C3orf33: variants seen among roughly 807,000 people sequenced by gnomAD.
C3orf33 encodes mitochondrial inner membrane subdomain organizer 1, also known as AP-1 activity suppressor.
Under a neutral mutation model 28.7 loss-of-function variants are expected in C3orf33, and 23 were observed. The observed-to-expected ratio is 0.80, with a 90% CI of 0.58 to 1.13. The LOEUF (loss-of-function observed/expected upper bound fraction) is 1.13. Among genes scored for constraint, C3orf33 ranks in the 50% most tolerant of loss-of-function variants. The pLI is 0.00. For synonymous variants in C3orf33, 119 were observed against 120.5 expected (o/e 0.99, Z 0.08); for missense variants, 327 against 353.4 (o/e 0.93, Z 0.60).
In C3orf33 at chr3:155,788,262, A is replaced by G. The variant is rs185337162; in HGVS notation, c.175-12414T>C. On this transcript the variant is annotated intron_variant, in intron 2 of 4. Transcript: ENST00000340171. ...TACACTGCATTAATAGAATAAATTA[A>G]AAAAACACATGGTTACCTCAACTGA... Among the ~76,000 whole-genome samples, 35 of 152,190 alleles carry G rather than the reference A, an allele frequency of 2.3e-4. No homozygotes were observed. In the East Asian group the frequency reaches 6.8e-3, roughly 29 times the overall value.
At chr3:155,790,205 C>T (rs1210298021) in intron 2 of C3orf33, among the ~76,000 whole-genome samples, 2 of 102,140 alleles carry the variant, frequency 2.0e-5, no homozygotes, top group Admixed American at 2.1e-4. Context: ...GCTGAGAAAA[C>T]GGAATATTCA....
At chr3:155,788,199 A>G (rs895155332) in intron 2 of C3orf33, among the ~76,000 whole-genome samples, 12 of 151,764 alleles carry the variant, frequency 7.9e-5, no homozygotes, top group Admixed American at 3.9e-4. Flanking sequence ...TCAAAAAAAA[A>G]AAGGATAAAA....
At chr3:155,798,828 G>A (rs1331427185) in intron 2 of C3orf33, among the ~76,000 whole-genome samples, 2 of 152,198 alleles carry the variant, frequency 1.3e-5, no homozygotes, top group East Asian at 3.9e-4. Context: ...CCAAAGTGAA[G>A]AGACAACCCA....
At chr3:155,803,419 G>A (rs71310446) in intron 1 of C3orf33, among the ~76,000 whole-genome samples, 2 of 151,774 alleles carry the variant, frequency 1.3e-5, no homozygotes, top group Non-Finnish European at 2.9e-5. Flanking sequence ...CAAAAAATTA[G>A]CCGGGCGTGG....
intron 3 of C3orf33, among the ~76,000 whole-genome samples, chr3:155,768,076 C>T (rs912924881): frequency 1.3e-5 from 2 of 152,008 alleles, no homozygotes; most frequent in African/African-American, 2.4e-5. Flanking sequence ...GACAGGGTCT[C>T]GTTATGTTGG....
chr3:155,790,227 GAAAA>G (rs796923838), intron 2 of C3orf33, among the ~76,000 whole-genome samples: 1 of 65,778 alleles, frequency 1.5e-5, no homozygotes, highest in Non-Finnish European at 3.0e-5. Context: ...ATGCAAAAAA[GAAAA>G]AAAAAAAAAA....
At chr3:155,803,238 A>C (rs1560002388) in intron 1 of C3orf33, among the ~76,000 whole-genome samples, 1 of 152,006 alleles carries the variant, frequency 6.6e-6, no homozygotes, top group African/African-American at 2.4e-5. Context: ...ATAATCTAAC[A>C]CACTTTCCTT....
intron 2 of C3orf33, among the ~76,000 whole-genome samples, chr3:155,779,670 T>C (rs1750859847): frequency 6.6e-6 from 1 of 151,964 alleles, no homozygotes; most frequent in Non-Finnish European, 1.5e-5. Flanking sequence ...AATAGGCACC[T>C]GGAAACCATA....
chr3:155,801,208 G>A (rs1751638145), intron 2 of C3orf33, among the ~76,000 whole-genome samples: 2 of 151,820 alleles, frequency 1.3e-5, no homozygotes, highest in South Asian at 4.2e-4. Flanking sequence ...CTACTCAGGA[G>A]GCTGAGGCAG....
chr3:155,795,881 A>G (rs1311221487), intron 2 of C3orf33, among the ~76,000 whole-genome samples: 1 of 152,020 alleles, frequency 6.6e-6, no homozygotes, highest in Non-Finnish European at 1.5e-5. Flanking sequence ...GCTTGAACCC[A>G]GGAAGCAAAG....
chr3:155,770,806 G>A (rs1033453972), intron 3 of C3orf33, among the ~76,000 whole-genome samples: 4 of 151,830 alleles, frequency 2.6e-5, no homozygotes, highest in South Asian at 2.1e-4. Context: ...AATTACAAGC[G>A]CATGCCACCA....
chr3:155,765,950 GC>G (rs772996420), intron 4 of C3orf33, among the ~76,000 whole-genome samples: 12 of 152,162 alleles, frequency 7.9e-5, no homozygotes, highest in Non-Finnish European at 1.5e-4. Flanking sequence ...ATCTGGACAT[GC>G]AAAAATTAAT....
intron 2 of C3orf33, among the ~76,000 whole-genome samples, chr3:155,778,249 T>C (rs991111024): frequency 6.6e-6 from 1 of 151,898 alleles, no homozygotes; most frequent in Non-Finnish European, 1.5e-5. Context: ...GAATGTTGGA[T>C]TGGGAAAAAA....
At chr3:155,794,304 ATGT>A (rs1460348559) in intron 2 of C3orf33, among the ~76,000 whole-genome samples, 2 of 152,248 alleles carry the variant, frequency 1.3e-5, no homozygotes, top group East Asian at 3.9e-4. Flanking sequence ...TATGCAATCA[ATGT>A]TGTCATCGGT....
chr3:155,789,909 T>C (rs1323145457), intron 2 of C3orf33, among the ~76,000 whole-genome samples: 4 of 152,062 alleles, frequency 2.6e-5, no homozygotes, highest in African/African-American at 9.7e-5. Context: ...GGGCCTGTAA[T>C]CCCAGCACTT....
chr3:155,799,219 C>CA (rs929726798), intron 2 of C3orf33, among the ~76,000 whole-genome samples: 10 of 152,142 alleles, frequency 6.6e-5, no homozygotes, highest in South Asian at 2.1e-4. Flanking sequence ...GGAGGCCCCA[C>CA]AAAAAACTAA....
intron 2 of C3orf33, among the ~76,000 whole-genome samples, chr3:155,793,433 T>C (rs1200862915): frequency 1.3e-5 from 2 of 150,316 alleles, no homozygotes; most frequent in Non-Finnish European, 3.0e-5. Context: ...CACCTGAAGG[T>C]ACAAAACTCA....
chr3:155,777,345 C>T (rs1750781736), intron 2 of C3orf33, among the ~76,000 whole-genome samples: 1 of 151,720 alleles, frequency 6.6e-6, no homozygotes, highest in African/African-American at 2.4e-5. Flanking sequence ...ATCATAGTGA[C>T]AATCAAGATC....
Position 155,781,565 on chromosome 3 carries a change from C to A in C3orf33, c.175-5717G>T, listed in dbSNP as rs79913038. ...CAGGCAGATCACAAGATCAGGAGATCGAGACTATCCTGGCTAACACGGTGA... is the reference window on the plus strand; with the variant it reads ...CAGGCAGATCACAAGATCAGGAGATAGAGACTATCCTGGCTAACACGGTGA... On this transcript the variant is annotated intron_variant, in intron 2 of 4. Transcript: ENST00000340171. 6.1e-4 allele frequency among the ~76,000 whole-genome samples: 92 copies of A among 150,746 alleles called. 3 individuals are homozygous for A. In the East Asian group the frequency reaches 0.016, roughly 27 times the overall value.
Sources: allele counts gnomAD v4.1 joint callset (sites outside exome capture counted in the v4.1 genomes callset), GRCh38; gene constraint gnomAD v4.1.1; transcripts MANE v1.5; gene names NCBI Gene and HGNC (gene_info 2026-07-23, HGNC 2026-07-21).